Variants in LIPA observed in about 807,000 individuals in gnomAD.
The protein encoded by LIPA is lysosomal acid lipase/cholesteryl ester hydrolase.
Under a neutral mutation model 40.6 loss-of-function variants are expected in LIPA, and 26 were observed. The ratio of observed to expected loss-of-function variants is 0.64; its 90% CI spans 0.47 to 0.89. The LOEUF (loss-of-function observed/expected upper bound fraction) is 0.89. Among genes scored for constraint, LIPA ranks in the 40% least tolerant of loss-of-function variants. The probability of loss-of-function intolerance (pLI) is 0.00; values close to 1 mark genes in which losing one functional copy is unlikely to be tolerated. For missense variants in LIPA, 455 were observed against 479.6 expected (o/e 0.95, Z 0.48); for synonymous variants, 188 against 168.4 (o/e 1.12, Z -0.90).
chr10:89,395,232 A>G (rs919470186), intron 2 of LIPA, among the ~76,000 whole-genome samples: 10 of 121,902 alleles, frequency 8.2e-5, no homozygotes, highest in Admixed American at 7.3e-4. Context: ...ACCACCTCTC[A>G]GTCACAGCAT....
rs1842765270 is a variant in LIPA, at chr10:89,225,987, A to G, written c.539-759T>C. 2.0e-5 allele frequency among the ~76,000 whole-genome samples: 3 copies of G among 152,154 alleles called. No individual in the cohort carries two copies. In the South Asian group the frequency reaches 6.2e-4, roughly 32 times the overall value. On this transcript the variant is annotated intron_variant, in intron 5 of 9. Coordinates refer to ENST00000336233, the MANE Select transcript of LIPA (RefSeq NM_000235.4). ...TCACAATCCATTAAACTGTGAGTCCATTAAACCTCTTTTTCTTTATAAATT... is the reference window on the plus strand; with the variant it reads ...TCACAATCCATTAAACTGTGAGTCCGTTAAACCTCTTTTTCTTTATAAATT...
At chr10:89,378,004 C>A (rs1844134691) in intron 2 of LIPA, 1 of 873,596 alleles carries the variant, frequency 1.1e-6, no homozygotes, top group Non-Finnish European at 1.8e-6. Context: ...GTGTAAAAAA[C>A]TGCCTGGATA....
At chr10:89,246,871 T>C (rs182280727) in intron 2 of LIPA, among the ~76,000 whole-genome samples, 33 of 152,246 alleles carry the variant, frequency 2.2e-4, no homozygotes, top group Admixed American at 1.5e-3. Context: ...TTCAATGTAT[T>C]CTAAAACCAG....
At chr10:89,365,096 A>G (rs1844047759) in intron 2 of LIPA, among the ~76,000 whole-genome samples, 2 of 152,324 alleles carry the variant, frequency 1.3e-5, no homozygotes, top group South Asian at 4.1e-4. Context: ...GGAGCCCTTC[A>G]TGTAGCTGAC....
At chr10:89,263,001 TA>T (rs1262216088) in intron 1 of LIPA, among the ~76,000 whole-genome samples, 1 of 152,206 alleles carries the variant, frequency 6.6e-6, no homozygotes, top group African/African-American at 2.4e-5. Context: ...TGAGGCAGAA[TA>T]AAAGGGAGAG....
In LIPA at chr10:89,259,076, G is replaced by A. The variant is rs186583617; in HGVS notation, c.-1-11427C>T. On this transcript the variant is annotated intron_variant, in intron 1 of 5. Transcript: ENST00000282673. ...GCTAAAGGATGGGGAAGAAGAGGAA[G>A]TTAGGATGATGAAAATGTTCTAAAA... is the stretch of plus-strand genomic sequence containing the variant. Among the ~76,000 whole-genome samples the A allele has an allele frequency of 5.9e-5, 9 of 152,322 alleles. No homozygotes were observed. The East Asian group carries it at 1.3e-3, about 23-fold the overall frequency.
chr10:89,233,399 G>A (rs561513460), intron 3 of LIPA, among the ~76,000 whole-genome samples: 2 of 152,330 alleles, frequency 1.3e-5, no homozygotes, highest in African/African-American at 4.8e-5. Context: ...TTTAGAGAAT[G>A]GAGGCCACTC....
At chr10:89,218,002 A>C (rs11203038) in intron 8 of LIPA, among the ~76,000 whole-genome samples, 14,066 of 152,248 alleles carry the variant, frequency 0.092, 717 homozygotes, top group Middle Eastern at 0.17. Context: ...AATCTCATAA[A>C]TAATACTAAG....
At chr10:89,307,427 C>T (rs752579460) in intron 1 of LIPA, 19 of 1,422,952 alleles carry the variant, frequency 1.3e-5, no homozygotes, top group Non-Finnish European at 1.7e-5. Context: ...AGCTGAAATT[C>T]CTCCACCAAG....
chr10:89,350,838 TA>T (rs1843954748), intron 2 of LIPA, among the ~76,000 whole-genome samples: 1 of 152,120 alleles, frequency 6.6e-6, no homozygotes, highest in Non-Finnish European at 1.5e-5. Context: ...GGAGGAGAGA[TA>T]AGGCTTACTA....
chr10:89,386,530 A>T (rs1844211390), intron 2 of LIPA, among the ~76,000 whole-genome samples: 2 of 152,318 alleles, frequency 1.3e-5, no homozygotes, highest in Middle Eastern at 3.4e-3. Context: ...ACTGCCACAG[A>T]GCTTCTTGTA....
chr10:89,306,773 G>GAT, intron 1 of LIPA: 1 of 1,614,106 alleles, frequency 6.2e-7, no homozygotes, highest in Non-Finnish European at 8.5e-7. Flanking sequence ...GCTTAAAAAG[G>GAT]CTTTAGAATA....
intron 3 of LIPA, among the ~76,000 whole-genome samples, chr10:89,238,818 C>T (rs537787909): frequency 1.3e-5 from 2 of 152,198 alleles, no homozygotes; most frequent in South Asian, 2.1e-4. Flanking sequence ...TGGCTATGTA[C>T]GTTACAGGTA....
intron 1 of LIPA, among the ~76,000 whole-genome samples, chr10:89,312,270 A>G (rs897824415): frequency 4.6e-5 from 7 of 152,004 alleles, no homozygotes; most frequent in Middle Eastern, 3.4e-3. Context: ...GTGAAACCCT[A>G]TCTCTACAAA....
intron 2 of LIPA, chr10:89,393,407 G>A (rs1844287406): frequency 2.6e-6 from 2 of 772,110 alleles, no homozygotes; most frequent in Admixed American, 7.3e-5. Context: ...TACCTAAAGG[G>A]CCTAATGTGG....
intron 1 of LIPA, among the ~76,000 whole-genome samples, chr10:89,264,651 A>G: frequency 6.6e-6 from 1 of 152,202 alleles, no homozygotes; most frequent in East Asian, 1.9e-4. Flanking sequence ...TCATCCTGAC[A>G]TCTGTCCCAG....
intron 1 of LIPA, among the ~76,000 whole-genome samples, chr10:89,290,001 T>G (rs4933501): frequency 0.57 from 59,613 of 104,514 alleles, 13,895 homozygotes; most frequent in African/African-American, 0.73. Context: ...AAAAAAAGGG[T>G]GGGGGGGACT....
Position 89,245,747 on chromosome 10 carries a change from A to G in LIPA, c.158T>C (p.Val53Ala), listed in dbSNP as rs749625288. Residue 53 changes from valine to alanine, a missense_variant, in exon 3 of 10, where the codon GTT (valine) becomes GCT (alanine). Transcript: ENST00000336233. ...CAGAATATATCCATCTTCTGTCTCA[A>G]CTAGGTATTCCTCACTAGGGAATCC... The part of the protein sequence containing the change: ...YWGFPSEEYL[V>A]ETEDGYILCL... 1 of 1,604,618 alleles carries G rather than the reference A, an allele frequency of 6.2e-7. No homozygotes were observed. The highest frequency in any genetic ancestry group is 1.1e-5 in the South Asian group (1 of 90,860).
chr10:89,279,926 C>T (rs1201522811), intron 1 of LIPA, among the ~76,000 whole-genome samples: 1 of 151,972 alleles, frequency 6.6e-6, no homozygotes, highest in Non-Finnish European at 1.5e-5. Flanking sequence ...ATTGAAAAAC[C>T]CACACAATTG....
Sources: gnomAD v4.1 joint callset for allele counts (sites outside exome capture counted in the v4.1 genomes callset) on GRCh38, gnomAD v4.1.1 for gene constraint, MANE v1.5 for transcripts, NCBI Gene and HGNC (gene_info 2026-07-23, HGNC 2026-07-21) for gene names.